CCSER1: variants seen among roughly 807,000 people sequenced by gnomAD.
CCSER1 encodes coiled-coil serine rich protein 1.
In CCSER1, 41 loss-of-function variants were observed where a neutral mutation model predicts 82.0. The observed-to-expected ratio is 0.50, with a 90% confidence interval of 0.39 to 0.65. The LOEUF is 0.65. Ranked by LOEUF, CCSER1 falls within the 30% of genes least tolerant of loss-of-function variation. The pLI is 0.00. For missense variants in CCSER1, 1,119 were observed against 1,064.2 expected, an observed-to-expected ratio of 1.05 and a Z score of -0.72; for synonymous variants, 414 against 383.9, an observed-to-expected ratio of 1.08 and a Z score of -0.92.
At chr4:91,096,277 G>C (rs1724503000) in intron 10 of CCSER1, among the ~76,000 whole-genome samples, 1 of 152,108 alleles carries the variant, frequency 6.6e-6, no homozygotes, top group Non-Finnish European at 1.5e-5. Flanking sequence ...GTGGTCTAGG[G>C]GCTGTGGGCT....
chr4:90,473,708 ACTCT>A (rs1241083754), intron 5 of CCSER1, among the ~76,000 whole-genome samples: 5 of 152,086 alleles, frequency 3.3e-5, no homozygotes, highest in Non-Finnish European at 7.4e-5. Context: ...ACAGTTAAGT[ACTCT>A]CTCTAAGGTC....
intron 10 of CCSER1, among the ~76,000 whole-genome samples, chr4:91,404,303 TG>T (rs1230854813): frequency 1.6e-4 from 24 of 152,234 alleles, no homozygotes; most frequent in African/African-American, 5.5e-4. Flanking sequence ...TTATTAGTCT[TG>T]CTAGCAGTCT....
chr4:90,309,558 A>G lies in CCSER1; in HGVS notation c.1274A>G (p.His425Arg). 1 of 1,606,048 alleles carries G rather than the reference A, an allele frequency of 6.2e-7. No individual in the cohort carries two copies. The highest frequency in any genetic ancestry group is 8.5e-7 in the Non-Finnish European group (1 of 1,177,380). The part of the protein sequence containing the change: ...DSKIIPTSGD[H>R]HIFNKTSHGY... The stretch of plus-strand genomic sequence containing the variant: ...AAGATAATACCTACTTCTGGTGATC[A>G]TCATATTTTTAACAAAACATCACAT... Residue 425 changes from histidine to arginine, a missense_variant, in exon 2 of 11, where the codon CAT (histidine) becomes CGT (arginine). Transcript: ENST00000509176.
intron 5 of CCSER1, among the ~76,000 whole-genome samples, chr4:90,574,834 A>G (rs895496507): frequency 6.6e-6 from 1 of 152,132 alleles, no homozygotes; most frequent in African/African-American, 2.4e-5. Flanking sequence ...AAACTTTAAT[A>G]TAATAATTTC....
intron 7 of CCSER1, among the ~76,000 whole-genome samples, chr4:90,773,234 C>T (rs1485998944): frequency 6.6e-6 from 1 of 152,194 alleles, no homozygotes; most frequent in African/African-American, 2.4e-5. Flanking sequence ...GAGCGAAACT[C>T]TGTCTCAAAA....
intron 10 of CCSER1, among the ~76,000 whole-genome samples, chr4:91,589,186 T>C (rs898333610): frequency 1.3e-5 from 2 of 151,858 alleles, no homozygotes; most frequent in African/African-American, 2.4e-5. Context: ...GCTCATATTA[T>C]CTCTTAGATT....
chr4:90,469,711 GGGTGACTTAT>G (rs1288242375), intron 5 of CCSER1, among the ~76,000 whole-genome samples: 3 of 152,008 alleles, frequency 2.0e-5, no homozygotes, highest in Non-Finnish European at 4.4e-5. Context: ...TCAACATTAT[GGGTGACTTAT>G]GGTTATATAT....
intron 8 of CCSER1, among the ~76,000 whole-genome samples, chr4:90,840,355 G>T (rs1202612591): frequency 6.6e-6 from 1 of 152,108 alleles, no homozygotes; most frequent in Admixed American, 6.5e-5. Context: ...TTCACCATGG[G>T]AAATCTGTAA....
intron 10 of CCSER1, among the ~76,000 whole-genome samples, chr4:91,087,734 T>A (rs1232725551): frequency 1.3e-5 from 2 of 152,134 alleles, no homozygotes; most frequent in East Asian, 3.9e-4. Context: ...ACTTGACATC[T>A]CTAATTCATG....
At chr4:90,364,745 A>G (rs1323204181) in intron 3 of CCSER1, among the ~76,000 whole-genome samples, 1 of 152,028 alleles carries the variant, frequency 6.6e-6, no homozygotes, top group Non-Finnish European at 1.5e-5. Flanking sequence ...TGATGTAGAT[A>G]TTAAACAAAG....
chr4:90,861,918 ATATATATATT>A (rs1189534639), intron 8 of CCSER1, among the ~76,000 whole-genome samples: 1 of 123,216 alleles, frequency 8.1e-6, no homozygotes, highest in Non-Finnish European at 1.9e-5. Context: ...ATATATATAT[ATATATATATT>A]TTTTTTTTCT....
intron 10 of CCSER1, among the ~76,000 whole-genome samples, chr4:91,237,259 TAG>T (rs1739084904): frequency 6.6e-6 from 1 of 151,996 alleles, no homozygotes; most frequent in Non-Finnish European, 1.5e-5. Context: ...AGATGTTTTT[TAG>T]AGTTTAAGAA....
intron 10 of CCSER1, among the ~76,000 whole-genome samples, chr4:91,310,279 C>T (rs975320009): frequency 2.1e-4 from 32 of 151,648 alleles, no homozygotes; most frequent in Non-Finnish European, 1.5e-5. Context: ...TATTCCCTGC[C>T]CTGCTGTGCT....
intron 10 of CCSER1, among the ~76,000 whole-genome samples, chr4:91,478,521 T>G (rs1336261679): frequency 6.6e-6 from 1 of 151,900 alleles, no homozygotes; most frequent in African/African-American, 2.4e-5. Context: ...CGTAACAGTC[T>G]CAGAGATTCT....
chr4:91,192,698 C>T (rs1735104067), intron 10 of CCSER1, among the ~76,000 whole-genome samples: 1 of 152,052 alleles, frequency 6.6e-6, no homozygotes, highest in African/African-American at 2.4e-5. Context: ...ATTCTGTCTT[C>T]TTTTAATCCA....
intron 6 of CCSER1, among the ~76,000 whole-genome samples, chr4:90,633,643 T>C (rs1178476624): frequency 6.6e-6 from 1 of 152,008 alleles, no homozygotes; most frequent in Non-Finnish European, 1.5e-5. Flanking sequence ...AGGAAAAGGA[T>C]AACTATAAAT....
chr4:90,734,841 A>G (rs1205361903), intron 7 of CCSER1, among the ~76,000 whole-genome samples: 2 of 152,156 alleles, frequency 1.3e-5, no homozygotes, highest in Non-Finnish European at 2.9e-5. Flanking sequence ...TGCTCTAGCT[A>G]GGACTTCCAG....
At chr4:90,791,870 T>C (rs1245689747) in intron 7 of CCSER1, among the ~76,000 whole-genome samples, 1 of 151,470 alleles carries the variant, frequency 6.6e-6, no homozygotes, top group Non-Finnish European at 1.5e-5. Flanking sequence ...GTAATGCTAT[T>C]GAACACTTAA....
intron 3 of CCSER1, among the ~76,000 whole-genome samples, chr4:90,344,973 C>T (rs570015939): frequency 6.6e-6 from 1 of 152,164 alleles, no homozygotes; most frequent in South Asian, 2.1e-4. Flanking sequence ...ATTTGACCAA[C>T]TTCAGCCAGA....
Sources: allele counts gnomAD v4.1 joint callset (sites outside exome capture counted in the v4.1 genomes callset), GRCh38; gene constraint gnomAD v4.1.1; transcripts MANE v1.5; gene names NCBI Gene and HGNC (gene_info 2026-07-23, HGNC 2026-07-21).